The following KIF13A variants were observed in gnomAD, a reference collection of about 807,000 sequenced individuals.
The protein encoded by KIF13A is kinesin family member 13A.
Under a neutral mutation model 212.2 loss-of-function variants are expected in KIF13A, and 79 were observed. That is an observed-to-expected ratio of 0.37 (90% confidence interval 0.31 to 0.45). The LOEUF is 0.45. KIF13A is among the 20% of genes least tolerant of loss of function. The pLI, the probability that KIF13A is intolerant of heterozygous loss-of-function variation, is 1.00. For synonymous variants in KIF13A, 789 were observed against 808.6 expected (o/e 0.98, Z 0.41); for missense variants, 1,901 against 2,209.0 (o/e 0.86, Z 2.79).
Position 17,856,218 on chromosome 6 carries a change from T to A in KIF13A, c.221-96A>T. 2.3e-6 allele frequency: 2 copies of A among 878,892 alleles called. No homozygotes were observed. The highest frequency in any genetic ancestry group is 3.6e-6 in the Non-Finnish European group (2 of 556,030). The allele number at this position is 878,892 out of a possible 1,614,324, so 54.4% of individuals were successfully genotyped here. A position where few individuals can be genotyped will look rare whatever the true frequency, so the allele number is the denominator to read the frequency against. On this transcript the variant is annotated intron_variant, in intron 4 of 38. Transcript: ENST00000259711. This position sits in a 1 kb window ranked among gnomAD's most constrained non-coding sequence, Gnocchi z 4.5. ...AATATTATGTCAATTCAAAAAAATGTTAAAAGTGTAGTACCGAGTGCCCAC... is the reference window on the plus strand; with the variant it reads ...AATATTATGTCAATTCAAAAAAATGATAAAAGTGTAGTACCGAGTGCCCAC...
At chr6:17,940,820 T>TA (rs1206134464) in intron 2 of KIF13A, among the ~76,000 whole-genome samples, 376 of 147,716 alleles carry the variant, frequency 2.5e-3, no homozygotes, top group Admixed American at 4.6e-3. Context: ...TAAATTTATT[T>TA]TTTTTTTTTT....
intron 12 of KIF13A, among the ~76,000 whole-genome samples, chr6:17,833,730 C>G (rs969426475): frequency 1.1e-4 from 16 of 151,754 alleles, no homozygotes; most frequent in African/African-American, 3.4e-4. Context: ...GTAGTAGGCA[C>G]CTGTAATCCC....
intron 2 of KIF13A, among the ~76,000 whole-genome samples, chr6:17,973,934 G>T (rs1339574193): frequency 6.6e-6 from 1 of 152,340 alleles, no homozygotes; most frequent in East Asian, 1.9e-4. Flanking sequence ...TAACAAGTTG[G>T]TATCAGGTGA....
intron 3 of KIF13A, among the ~76,000 whole-genome samples, chr6:17,877,144 CAAAA>C (rs35738402): frequency 3.1e-5 from 3 of 97,952 alleles, no homozygotes; most frequent in Admixed American, 1.3e-4. Flanking sequence ...TCTCTCTTGC[CAAAA>C]AAAAAAAAAA....
chr6:17,863,082 G>A (rs1768988739), intron 4 of KIF13A, among the ~76,000 whole-genome samples: 4 of 152,202 alleles, frequency 2.6e-5, no homozygotes, highest in Admixed American at 2.6e-4. Flanking sequence ...GAACGACAGA[G>A]CAAGACCCCA....
intron 28 of KIF13A, among the ~76,000 whole-genome samples, chr6:17,784,094 T>C (rs1447895026): frequency 6.6e-6 from 1 of 152,170 alleles, no homozygotes; most frequent in Non-Finnish European, 1.5e-5. Context: ...GGGAGGGTTG[T>C]GTACAGAAGA....
chr6:17,855,532 G>A lies in KIF13A; in HGVS notation c.399C>T (p.Ile133=), dbSNP rs1768060339. Residue 133 remains isoleucine (I), a synonymous_variant, in exon 6 of 39, where the codon ATC becomes ATT. Coordinates refer to ENST00000259711, the MANE Select transcript of KIF13A (RefSeq NM_022113.6). This position sits in a 1 kb window ranked among gnomAD's most constrained non-coding sequence, Gnocchi z 4.1. ...PRLCCALFKR[I]SLEQNESQTF... ...TCTGTGACTCATTTTGCTCCAAAGA[G>A]ATCCTTTTAAATAAAGCACAGCAGA... 1 of 1,613,592 alleles carries A rather than the reference G, an allele frequency of 6.2e-7. No homozygotes were observed.
chr6:17,853,822 G>A (rs891737403), intron 6 of KIF13A, among the ~76,000 whole-genome samples: 17 of 152,118 alleles, frequency 1.1e-4, no homozygotes, highest in Non-Finnish European at 2.4e-4. Context: ...CACAATAGTA[G>A]TTACCTTGGG....
In KIF13A at chr6:17,826,112, G is replaced by A. The variant is rs533730383; in HGVS notation, c.1545C>T (p.Asn515=). The A allele has an allele frequency of 8.4e-5, 136 of 1,613,884 alleles. No homozygotes were observed. The highest frequency in any genetic ancestry group is 3.7e-4 in the South Asian group (34 of 91,066). The change falls in exon 15 of 39, where the codon AAC becomes AAT. Residue 515 remains asparagine (N), a synonymous_variant. Coordinates refer to ENST00000259711, the MANE Select transcript of KIF13A (RefSeq NM_022113.6). This position sits in a 1 kb window ranked among gnomAD's most constrained non-coding sequence, Gnocchi z 4.7. Reference sequence around the variant, plus strand: ...GGGTGGTACTGCACACAAGGGTGCCGTTCACACAGGACCTGGGAGAACACG... The same window carrying A: ...GGGTGGTACTGCACACAAGGGTGCCATTCACACAGGACCTGGGAGAACACG... The part of the protein sequence containing the change: ...TPKENARSCV[N]GTLVCSTTQL...
At chr6:17,846,889 T>C (rs1447391217) in intron 9 of KIF13A, among the ~76,000 whole-genome samples, 1 of 152,204 alleles carries the variant, frequency 6.6e-6, no homozygotes, top group Non-Finnish European at 1.5e-5. Context: ...TGGCTGAGCC[T>C]GGGCTCGGAG....
chr6:17,889,928 C>T (rs373419080), intron 3 of KIF13A, among the ~76,000 whole-genome samples: 6 of 152,084 alleles, frequency 3.9e-5, no homozygotes, highest in East Asian at 3.9e-4. Context: ...GCAGATCACC[C>T]GAGGTCGAGA....
At chr6:17,874,993 G>GCACA (rs770255576) in intron 3 of KIF13A, among the ~76,000 whole-genome samples, 8 of 51,400 alleles carry the variant, frequency 1.6e-4, no homozygotes, top group South Asian at 6.5e-4. Flanking sequence ...ACACACACAC[G>GCACA]CACACGCACG....
At chr6:17,815,941 CTT>C (rs1438630511) in intron 17 of KIF13A, among the ~76,000 whole-genome samples, 6 of 145,846 alleles carry the variant, frequency 4.1e-5, no homozygotes, top group Non-Finnish European at 7.5e-5. Context: ...AAGTCTCCCT[CTT>C]GTCACCCAGG....
At chr6:17,932,421 G>A (rs1228327099) in intron 2 of KIF13A, among the ~76,000 whole-genome samples, 2 of 152,182 alleles carry the variant, frequency 1.3e-5, no homozygotes, top group East Asian at 1.9e-4. Context: ...ATTTAGTAAC[G>A]TTGCGACCTT....
chr6:17,889,396 C>T (rs368572681), intron 3 of KIF13A, among the ~76,000 whole-genome samples: 7 of 152,242 alleles, frequency 4.6e-5, no homozygotes, highest in African/African-American at 1.7e-4. Flanking sequence ...AAACAAAAAA[C>T]ACCGAAAGTG....
At chr6:17,767,606 T>C (rs1759127589) in intron 38 of KIF13A, among the ~76,000 whole-genome samples, 3 of 152,222 alleles carry the variant, frequency 2.0e-5, no homozygotes, top group Admixed American at 2.0e-4. Context: ...TTGATTTAAG[T>C]TGGCAAACAC....
chr6:17,795,716 G>A (rs1023742344), intron 23 of KIF13A, among the ~76,000 whole-genome samples: 1 of 152,056 alleles, frequency 6.6e-6, no homozygotes, highest in Non-Finnish European at 1.5e-5. Context: ...TGATCAACTT[G>A]ATAAGAAACT....
At position 17,837,901 on chromosome 6, in the gene KIF13A, C is replaced by A. The variant is rs747633622; in HGVS notation, c.831-318G>T. On this transcript the variant is annotated intron_variant, in intron 9 of 38. Transcript: ENST00000259711. This position sits in a 1 kb window ranked among gnomAD's most constrained non-coding sequence, Gnocchi z 5.4. ...CCGGGAGTTAGAGGTTGCAGTGAGC[C>A]GAGACTGTGCCACTGCACTGCAGCC... is the stretch of plus-strand genomic sequence containing the variant. 6.6e-6 allele frequency among the ~76,000 whole-genome samples: 1 copy of A among 151,894 alleles called. No homozygotes were observed. Among genetic ancestry groups the A allele is most frequent in the African/African-American group, 2.4e-5 (1 of 41,354 alleles).
At chr6:17,830,983 T>C in intron 13 of KIF13A, 118 bp downstream of exon 13, 1 of 908,792 alleles carries the variant, frequency 1.1e-6, no homozygotes, top group South Asian at 1.7e-5. Context: ...TCCATCTTAG[T>C]TTTACTGAGG....
Sources: gnomAD v4.1 joint callset for allele counts (sites outside exome capture counted in the v4.1 genomes callset) on GRCh38, gnomAD v4.1.1 for gene constraint, Gnocchi (gnomAD v3.1) non-coding constraint, MANE v1.5 for transcripts, NCBI Gene and HGNC (gene_info 2026-07-23, HGNC 2026-07-21) for gene names.